Variants in CPNE8 observed in about 807,000 individuals in gnomAD.
The protein encoded by CPNE8 is copine 8, also known as copine-8.
A neutral mutation model predicts 81.5 loss-of-function variants in CPNE8; 45 were observed. The observed-to-expected ratio is 0.55, with a 90% CI of 0.44 to 0.71. The LOEUF is 0.71. Among genes scored for constraint, CPNE8 ranks in the 30% least tolerant of loss-of-function variants. The probability of loss-of-function intolerance (pLI) is 0.00; values close to 1 mark genes in which losing one functional copy is unlikely to be tolerated. For missense variants in CPNE8, 594 were observed against 672.1 expected (o/e 0.88, Z 1.28); for synonymous variants, 252 against 226.3 (o/e 1.11, Z -1.02).
At chr12:38,809,849 CAG>C (rs905886430) in intron 6 of CPNE8, among the ~76,000 whole-genome samples, 3 of 152,096 alleles carry the variant, frequency 2.0e-5, no homozygotes, top group African/African-American at 7.2e-5. Flanking sequence ...TGTAAAGAAA[CAG>C]ATTATCTGCT....
intron 10 of CPNE8, among the ~76,000 whole-genome samples, chr12:38,742,821 A>G (rs1394516980): frequency 6.6e-6 from 1 of 151,956 alleles, no homozygotes; most frequent in Non-Finnish European, 1.5e-5. Context: ...TTATAGGTTA[A>G]CAAGTTTGTG....
At chr12:38,675,238 C>A (rs1312157381) in intron 18 of CPNE8, among the ~76,000 whole-genome samples, 1 of 152,160 alleles carries the variant, frequency 6.6e-6, no homozygotes, top group African/African-American at 2.4e-5. Flanking sequence ...AGGCTAATGT[C>A]TATCAACTAG....
chr12:38,902,319 A>AAGGAAGGAAG (rs1565669970), intron 1 of CPNE8, among the ~76,000 whole-genome samples: 12 of 41,268 alleles, frequency 2.9e-4, no homozygotes, highest in African/African-American at 1.2e-3. Context: ...AAGGAAGGAA[A>AAGGAAGGAAG]GAAAGAAAGA....
intron 19 of CPNE8, among the ~76,000 whole-genome samples, chr12:38,666,025 CT>C (rs1565559754): frequency 6.6e-6 from 1 of 152,128 alleles, no homozygotes; most frequent in Non-Finnish European, 1.5e-5. Flanking sequence ...GTTGGGAGGT[CT>C]TCTGCTAGGC....
chr12:38,758,050 G>C (rs1477502310), intron 10 of CPNE8, among the ~76,000 whole-genome samples: 1 of 151,934 alleles, frequency 6.6e-6, no homozygotes, highest in Non-Finnish European at 1.5e-5. Flanking sequence ...TATCTAAATA[G>C]TTTCTTTGCT....
chr12:38,768,802 CA>C (rs1392204900), intron 7 of CPNE8, among the ~76,000 whole-genome samples: 1 of 152,100 alleles, frequency 6.6e-6, no homozygotes, highest in African/African-American at 2.4e-5. Context: ...GCTGGGATTA[CA>C]GGCTTGTGTG....
At chr12:38,850,254 C>G (rs967465148) in intron 3 of CPNE8, among the ~76,000 whole-genome samples, 4 of 152,148 alleles carry the variant, frequency 2.6e-5, no homozygotes, top group African/African-American at 7.2e-5. Flanking sequence ...AGCAAATGCA[C>G]AACACTCTCA....
chr12:38,767,579 T>C, intron 8 of CPNE8, 56 bp downstream of exon 8: 1 of 1,022,260 alleles, frequency 9.8e-7, no homozygotes, highest in Non-Finnish European at 1.4e-6. Context: ...GAAAAATAAT[T>C]ATAATTCAAG....
intron 17 of CPNE8, chr12:38,676,356 A>G (rs1939289397): frequency 1.0e-6 from 1 of 962,638 alleles, no homozygotes; most frequent in Non-Finnish European, 1.2e-6. Flanking sequence ...GAAGGTAAGG[A>G]GCATCTACTT....
intron 19 of CPNE8, among the ~76,000 whole-genome samples, chr12:38,658,580 C>A (rs1030586465): frequency 6.6e-6 from 1 of 151,970 alleles, no homozygotes; most frequent in South Asian, 2.1e-4. Context: ...GAAGAGCAAC[C>A]CCAAGACATA....
intron 17 of CPNE8, chr12:38,676,282 C>T: frequency 1.0e-6 from 1 of 983,792 alleles, no homozygotes; most frequent in Non-Finnish European, 1.2e-6. Flanking sequence ...TTTCCAAACT[C>T]TCTGCACACA....
chr12:38,810,711 A>T (rs1942918288), intron 6 of CPNE8, among the ~76,000 whole-genome samples: 1 of 152,154 alleles, frequency 6.6e-6, no homozygotes, highest in Non-Finnish European at 1.5e-5. Flanking sequence ...TTTCAGTAGG[A>T]TCAGCTAAGT....
intron 16 of CPNE8, among the ~76,000 whole-genome samples, chr12:38,682,444 G>T (rs185099400): frequency 0.012 from 1,831 of 152,170 alleles, 28 homozygotes; most frequent in Middle Eastern, 0.041. Flanking sequence ...TATAATCCCA[G>T]CTACTTGGGA....
At chr12:38,861,708 A>T (rs1047373894) in intron 3 of CPNE8, among the ~76,000 whole-genome samples, 21 of 152,172 alleles carry the variant, frequency 1.4e-4, no homozygotes, top group African/African-American at 5.1e-4. Flanking sequence ...AAATGTGATC[A>T]AAAGATTTTA....
At chr12:38,733,288 A>G (rs1437049364) in intron 10 of CPNE8, among the ~76,000 whole-genome samples, 1 of 151,962 alleles carries the variant, frequency 6.6e-6, no homozygotes, top group East Asian at 1.9e-4. Flanking sequence ...AATCACAGAT[A>G]CTTACTCTAA....
Position 38,653,981 on chromosome 12 carries a change from A to C in CPNE8, c.1596T>G (p.Pro532=). Residue 532 remains proline, a synonymous_variant, in exon 20 of 20, where the codon CCT becomes CCG. Coordinates refer to ENST00000331366, the MANE Select transcript of CPNE8 (RefSeq NM_153634.3). ...CTCTCATATAGGAGAGAAACTGCTC[A>C]GGGATCTCAGCTAGGACATCTTTAG... The part of the protein sequence containing the change: ...RLAKDVLAEI[P]EQFLSYMRAR... The C allele has an allele frequency of 1.2e-6, 2 of 1,613,796 alleles. No individual in the cohort carries two copies. Among genetic ancestry groups the C allele is most frequent in the Non-Finnish European group, 1.7e-6 (2 of 1,179,932 alleles).
intron 7 of CPNE8, among the ~76,000 whole-genome samples, chr12:38,771,626 T>G (rs1232051564): frequency 6.6e-6 from 1 of 152,218 alleles, no homozygotes; most frequent in Non-Finnish European, 1.5e-5. Flanking sequence ...TAAATATTTG[T>G]ATAAATTTAT....
chr12:38,840,366 A>T (rs1400179805), intron 4 of CPNE8, among the ~76,000 whole-genome samples: 1 of 152,148 alleles, frequency 6.6e-6, no homozygotes, highest in Non-Finnish European at 1.5e-5. Context: ...AACATGAGGG[A>T]TCCTTGAGGT....
intron 10 of CPNE8, among the ~76,000 whole-genome samples, chr12:38,743,816 GT>G (rs5797591): frequency 0.81 from 122,492 of 151,906 alleles, 52,352 homozygotes; most frequent in Middle Eastern, 0.97. Flanking sequence ...CTGGAGAAGC[GT>G]TGTGTCAGTA....
Sources: gnomAD v4.1 joint callset for allele counts (sites outside exome capture counted in the v4.1 genomes callset) on GRCh38, gnomAD v4.1.1 for gene constraint, MANE v1.5 for transcripts, NCBI Gene and HGNC (gene_info 2026-07-23, HGNC 2026-07-21) for gene names.